The following ANO1 variants were observed in gnomAD, a reference collection of about 807,000 sequenced individuals.
ANO1 encodes the protein anoctamin-1.
Under a neutral mutation model 124.0 loss-of-function variants are expected in ANO1, and 59 were observed. The ratio of observed to expected loss-of-function variants is 0.48; its 90% CI spans 0.39 to 0.59. The LOEUF (loss-of-function observed/expected upper bound fraction) is 0.59, where lower values mean the gene tolerates loss of function less well. ANO1 is among the 20% of genes least tolerant of loss of function. ANO1 has a pLI of 0.00. For missense variants in ANO1, 1,059 were observed against 1,328.0 expected, an observed-to-expected ratio of 0.80 and a Z score of 3.15; for synonymous variants, 529 against 532.0, an observed-to-expected ratio of 0.99 and a Z score of 0.08.
At chr11:70,182,427 G>T in intron 23 of ANO1, 75 bp from the exon 24 acceptor site, 4 of 1,275,638 alleles carry the variant, frequency 3.1e-6, no homozygotes, top group Non-Finnish European at 4.2e-6. Context: ...AACTGTGGAT[G>T]GGTCACCCCC....
intron 11 of ANO1, among the ~76,000 whole-genome samples, chr11:70,147,304 G>A (rs2047418133): frequency 6.6e-6 from 1 of 152,182 alleles, no homozygotes; most frequent in Admixed American, 6.5e-5. Flanking sequence ...AGGGGCCAAA[G>A]GACATCTTCA....
Position 70,154,668 on chromosome 11 carries a change from G to A in ANO1, c.1426-1243G>A, listed in dbSNP as rs185429832. Among the ~76,000 whole-genome samples, 1,506 of 151,678 alleles carry A rather than the reference G, an allele frequency of 9.9e-3. 31 individuals carry two copies. Among genetic ancestry groups the A allele is most frequent in the African/African-American group, 0.034 (1,424 of 41,310 alleles). On this transcript the variant is annotated intron_variant, in intron 14 of 25. Transcript: ENST00000355303. ...TTTTTAGTAGAGACGGGGTTTCACC[G>A]TGTTAGCCAGGATGGTCTCAATCTC...
At chr11:70,185,990 T>C (rs140355181) in intron 25 of ANO1, among the ~76,000 whole-genome samples, 1 of 152,104 alleles carries the variant, frequency 6.6e-6, no homozygotes, top group Non-Finnish European at 1.5e-5. Flanking sequence ...AGTGTCTTTA[T>C]TGAAAGAGAC....
chr11:70,008,561 G>A (rs1310410775), intron 1 of ANO1, among the ~76,000 whole-genome samples: 1 of 151,916 alleles, frequency 6.6e-6, no homozygotes, highest in Non-Finnish European at 1.5e-5. Context: ...TGTCCAGGAG[G>A]GTTTATTTCT....
intron 1 of ANO1, chr11:70,072,998 T>C (rs1373527300): frequency 6.6e-6 from 1 of 152,226 alleles, no homozygotes; most frequent in Non-Finnish European, 1.5e-5. Flanking sequence ...GGGTCACCCT[T>C]GTCTCCCTGG....
intron 1 of ANO1, among the ~76,000 whole-genome samples, chr11:69,991,882 T>C (rs2120304420): frequency 1.3e-5 from 2 of 152,328 alleles, no homozygotes; most frequent in South Asian, 4.1e-4. Context: ...TCTGGCTAAG[T>C]AAGCTCTGTG....
At position 70,149,796 on chromosome 11, in the gene ANO1, A is replaced by G. The variant is rs1393525307; in HGVS notation, c.1341+4A>G. On this transcript the variant is annotated splice_donor_region_variant and intron_variant, in intron 12 of 25. Coordinates refer to ENST00000355303, the MANE Select transcript of ANO1 (RefSeq NM_018043.7). ...CACGGGCTTTGAAGAGGAAGAGGTCAGTGGGTTTGCCGCCGTGCATATCAC... is the reference window on the plus strand; with the variant it reads ...CACGGGCTTTGAAGAGGAAGAGGTCGGTGGGTTTGCCGCCGTGCATATCAC... 2 of 1,613,300 alleles carry G rather than the reference A, an allele frequency of 1.2e-6. No individual in the cohort carries two copies. Among genetic ancestry groups the G allele is most frequent in the African/African-American group, 2.7e-5 (2 of 74,924 alleles).
At chr11:69,976,075 T>C in the ANO1 span, among the ~76,000 whole-genome samples, 1 of 152,316 alleles carries the variant, frequency 6.6e-6, no homozygotes, top group Non-Finnish European at 1.5e-5. Context: ...ACCTGGGCCG[T>C]GTCTCTGTAA....
upstream of ANO1, among the ~76,000 whole-genome samples, chr11:70,076,791 G>A (rs996003311): frequency 5.9e-5 from 9 of 152,170 alleles, no homozygotes; most frequent in Admixed American, 2.0e-4. Context: ...TTCCTGCACC[G>A]CCCCAAGTTC....
intron 11 of ANO1, among the ~76,000 whole-genome samples, chr11:70,148,502 T>A (rs552455336): frequency 6.6e-6 from 1 of 152,268 alleles, no homozygotes; most frequent in East Asian, 1.9e-4. Flanking sequence ...GTACTAAGCA[T>A]CTTCAGACAG....
intron 1 of ANO1, chr11:70,085,791 T>G: frequency 8.0e-7 from 1 of 1,245,200 alleles, no homozygotes; most frequent in Non-Finnish European, 1.1e-6. Context: ...CAGTGCTGAC[T>G]GTTTGGGGAG....
intron 1 of ANO1, among the ~76,000 whole-genome samples, chr11:70,029,023 C>A (rs1961962): frequency 1.3e-4 from 20 of 152,100 alleles, no homozygotes; most frequent in East Asian, 1.9e-4. Context: ...CTCAGGTGAT[C>A]CACCCACCTC....
chr11:70,054,075 A>G (rs1257173704), intron 1 of ANO1, among the ~76,000 whole-genome samples: 1 of 152,018 alleles, frequency 6.6e-6, no homozygotes, highest in Non-Finnish European at 1.5e-5. Flanking sequence ...TCTCTATTTC[A>G]TACTCTGTCT....
chr11:70,075,697 C>T (rs1293392763), upstream of ANO1, among the ~76,000 whole-genome samples: 1 of 152,138 alleles, frequency 6.6e-6, no homozygotes, highest in African/African-American at 2.4e-5. Flanking sequence ...TGATAAAAAT[C>T]ACTGAGACAA....
In ANO1 at chr11:70,161,752, T is replaced by C. The variant is rs2048051761; in HGVS notation, c.1892+19T>C. ...AAGGCCGGTAGGGACATCTTCAGCCTTTCCCCAACCTCGCTTCTCCCAGGT... is the reference window on the plus strand; with the variant it reads ...AAGGCCGGTAGGGACATCTTCAGCCCTTCCCCAACCTCGCTTCTCCCAGGT... On this transcript the variant is annotated intron_variant, in intron 18 of 25. Coordinates refer to ENST00000355303, the MANE Select transcript of ANO1 (RefSeq NM_018043.7). 1.9e-6 allele frequency: 3 copies of C among 1,610,740 alleles called. No homozygotes were observed. The highest frequency in any genetic ancestry group is 2.5e-6 in the Non-Finnish European group (3 of 1,176,962).
chr11:70,163,674 T>C, intron 19 of ANO1: 1 of 560,666 alleles, frequency 1.8e-6, no homozygotes, highest in South Asian at 2.3e-5. Flanking sequence ...CAGTGGCTCA[T>C]GCCTGTAATC....
chr11:70,143,977 T>C (rs1373962042), intron 11 of ANO1, among the ~76,000 whole-genome samples: 1 of 152,100 alleles, frequency 6.6e-6, no homozygotes, highest in Non-Finnish European at 1.5e-5. Context: ...CATGAAGCAG[T>C]CGGTCCCCCT....
chr11:70,179,784 A>G (rs938687579), intron 22 of ANO1, among the ~76,000 whole-genome samples: 9 of 152,156 alleles, frequency 5.9e-5, no homozygotes, highest in African/African-American at 1.7e-4. Context: ...CCTCTTTTAG[A>G]AGCTGGTGAG....
In ANO1 at chr11:70,188,057, C is replaced by T. The variant is rs2049210733; in HGVS notation, c.*53C>T. 3.3e-6 allele frequency: 5 copies of T among 1,521,662 alleles called. 1 individual carries two copies. In the Admixed American group the frequency reaches 1.0e-4, roughly 31 times the overall value. The allele number at this position is 1,521,662 out of a possible 1,614,324, so 94.3% of individuals were successfully genotyped here. ...CCGGGCATCCTGACCGATGGGCACC[C>T]TCTCCCAGGGCAGGCGGCTTCCCGC... On this transcript the variant is annotated 3_prime_UTR_variant, in exon 26 of 26. Coordinates refer to ENST00000355303, the MANE Select transcript of ANO1 (RefSeq NM_018043.7).
Sources: allele counts gnomAD v4.1 joint callset (sites outside exome capture counted in the v4.1 genomes callset), GRCh38; gene constraint gnomAD v4.1.1; transcripts MANE v1.5; gene names NCBI Gene and HGNC (gene_info 2026-07-23, HGNC 2026-07-21).